The following VOPP1 variants were observed in gnomAD, a reference collection of about 807,000 sequenced individuals.
VOPP1 encodes the protein VOPP1 WW domain binding protein.
A neutral mutation model predicts 23.5 loss-of-function variants in VOPP1; 8 were observed. The ratio of observed to expected loss-of-function variants is 0.34; its 90% confidence interval spans 0.20 to 0.61. The LOEUF (loss-of-function observed/expected upper bound fraction) is 0.61. VOPP1 is among the 20% of genes least tolerant of loss of function. The pLI, the probability that VOPP1 is intolerant of heterozygous loss-of-function variation, is 0.78. For synonymous variants in VOPP1, 83 were observed against 97.3 expected (o/e 0.85, Z 0.86); for missense variants, 174 against 238.1 (o/e 0.73, Z 1.77).
chr7:55,445,207 A>C (rs1791065370), intron 4 of VOPP1, among the ~76,000 whole-genome samples: 1 of 135,198 alleles, frequency 7.4e-6, no homozygotes, highest in South Asian at 2.4e-4. Flanking sequence ...TTCTCTACAC[A>C]CACACACAGA....
At chr7:55,515,322 G>C (rs1225791152) in intron 2 of VOPP1, among the ~76,000 whole-genome samples, 1 of 152,278 alleles carries the variant, frequency 6.6e-6, no homozygotes, top group East Asian at 1.9e-4. Flanking sequence ...AGATATCAAA[G>C]ATGGGCTGGG....
At chr7:55,538,792 A>G in intron 1 of VOPP1, 1 of 609,226 alleles carries the variant, frequency 1.6e-6, no homozygotes. Flanking sequence ...GCTGATGAGG[A>G]AACATCTCCA....
intron 4 of VOPP1, among the ~76,000 whole-genome samples, chr7:55,479,051 C>T (rs562955099): frequency 2.6e-5 from 4 of 152,172 alleles, no homozygotes; most frequent in East Asian, 1.9e-4. Context: ...GACTTTCTAT[C>T]GTAAGAGACA....
chr7:55,463,520 C>T (rs1260933398), intron 4 of VOPP1, among the ~76,000 whole-genome samples: 2 of 152,148 alleles, frequency 1.3e-5, no homozygotes, highest in African/African-American at 4.8e-5. Flanking sequence ...AGTTTAGTTT[C>T]CATATTTCTT....
intron 4 of VOPP1, among the ~76,000 whole-genome samples, chr7:55,455,751 T>C (rs112068613): frequency 0.012 from 1,832 of 152,358 alleles, 13 homozygotes; most frequent in Admixed American, 0.021. Context: ...GCTAGCCATA[T>C]GCAGAAAGCT....
intron 2 of VOPP1, among the ~76,000 whole-genome samples, chr7:55,518,069 A>ATTC (rs1271052153): frequency 1.3e-5 from 2 of 152,204 alleles, no homozygotes; most frequent in Non-Finnish European, 2.9e-5. Flanking sequence ...CATATGTAAC[A>ATTC]GAGAGGTGAG....
intron 4 of VOPP1, among the ~76,000 whole-genome samples, chr7:55,490,303 G>T (rs1793474412): frequency 1.3e-5 from 2 of 152,174 alleles, no homozygotes; most frequent in South Asian, 4.1e-4. Context: ...CTAATCGCCT[G>T]GTTGCTGGGG....
intron 1 of VOPP1, among the ~76,000 whole-genome samples, chr7:55,561,171 C>T (rs959072283): frequency 2.0e-5 from 3 of 152,128 alleles, no homozygotes; most frequent in African/African-American, 7.2e-5. Flanking sequence ...TCCTTCCCAG[C>T]TTATCTCTGT....
At chr7:55,450,716 G>A (rs924126834) in intron 4 of VOPP1, among the ~76,000 whole-genome samples, 5 of 152,184 alleles carry the variant, frequency 3.3e-5, no homozygotes, top group Non-Finnish European at 7.3e-5. Context: ...CCCCACGTAA[G>A]CTTTAAAGTA....
intron 4 of VOPP1, among the ~76,000 whole-genome samples, chr7:55,482,891 TG>T: frequency 6.6e-6 from 1 of 152,178 alleles, no homozygotes; most frequent in South Asian, 2.1e-4. Context: ...AGAAGCTGAG[TG>T]AAGACAACGG....
intron 1 of VOPP1, chr7:55,571,951 G>T (rs368234366): frequency 1.5e-4 from 39 of 265,796 alleles, no homozygotes; most frequent in African/African-American, 7.6e-4. Context: ...CCTCTGCGGC[G>T]GGGAGAGGGG....
chr7:55,506,114 C>A (rs1415656545), intron 2 of VOPP1, among the ~76,000 whole-genome samples: 2 of 152,194 alleles, frequency 1.3e-5, no homozygotes, highest in African/African-American at 4.8e-5. Flanking sequence ...GCCCACCTCC[C>A]ATCTCTCACC....
intron 4 of VOPP1, among the ~76,000 whole-genome samples, chr7:55,441,407 G>A (rs1052141329): frequency 5.3e-5 from 8 of 152,096 alleles, no homozygotes; most frequent in South Asian, 2.1e-4. Flanking sequence ...AGAGACAAGC[G>A]CACAGTTAAA....
intron 2 of VOPP1, among the ~76,000 whole-genome samples, chr7:55,519,135 G>A (rs1052409184): frequency 2.0e-5 from 3 of 152,158 alleles, no homozygotes; most frequent in Non-Finnish European, 4.4e-5. Flanking sequence ...GTACTCTCAC[G>A]CTGAACTTCG....
intron 1 of VOPP1, chr7:55,521,870 T>C (rs1443529123): frequency 2.0e-6 from 2 of 984,476 alleles, no homozygotes; most frequent in Non-Finnish European, 1.2e-6. Flanking sequence ...GAGCTCTCTA[T>C]GCAGAGATGC....
rs575307184 is a variant in VOPP1, at chr7:55,502,490, C to G, written c.114-4800G>C. 1.4e-4 allele frequency among the ~76,000 whole-genome samples: 21 copies of G among 152,344 alleles called. No homozygotes were observed. In the South Asian group the frequency reaches 3.7e-3, roughly 27 times the overall value. On this transcript the variant is annotated intron_variant, in intron 2 of 4. Coordinates refer to ENST00000285279, the MANE Select transcript of VOPP1 (RefSeq NM_030796.5). ...GCTCATCTGCGGCGCTGGCCCGGCT[C>G]CCATTGTGGATGCTGGCAGGCCCCA...
At chr7:55,553,333 T>G (rs371431301) in intron 1 of VOPP1, among the ~76,000 whole-genome samples, 2 of 151,776 alleles carry the variant, frequency 1.3e-5, no homozygotes, top group Non-Finnish European at 2.9e-5. Flanking sequence ...TTGGGAGGAG[T>G]CACCAGTAAA....
chr7:55,479,922 C>T (rs997077745), intron 4 of VOPP1, among the ~76,000 whole-genome samples: 38 of 152,078 alleles, frequency 2.5e-4, no homozygotes, highest in African/African-American at 8.7e-4. Context: ...GTGCTGACAG[C>T]CTCTTCAGCA....
intron 2 of VOPP1, 104 bp downstream of exon 2, chr7:55,520,968 G>A: frequency 8.0e-7 from 1 of 1,257,446 alleles, no homozygotes. Flanking sequence ...CAGAGGCTGG[G>A]CCACGCCGGG....
Sources: gnomAD v4.1 joint callset for allele counts (sites outside exome capture counted in the v4.1 genomes callset) on GRCh38, gnomAD v4.1.1 for gene constraint, MANE v1.5 for transcripts, NCBI Gene and HGNC (gene_info 2026-07-23, HGNC 2026-07-21) for gene names.